The following PRIM2 variants were observed in gnomAD, a reference collection of about 807,000 sequenced individuals.
PRIM2 encodes DNA primase subunit 2, also known as DNA primase large subunit.
A neutral mutation model predicts 67.3 loss-of-function variants in PRIM2; 39 were observed. The ratio of observed to expected loss-of-function variants is 0.58; its 90% CI spans 0.45 to 0.76. PRIM2 has a LOEUF of 0.76. PRIM2 is among the 30% of genes least tolerant of loss of function. The pLI is 0.00. For missense variants in PRIM2, 398 were observed against 598.7 expected (o/e 0.66, Z 3.50); for synonymous variants, 143 against 198.7 (o/e 0.72, Z 2.36).
intron 7 of PRIM2, among the ~76,000 whole-genome samples, chr6:57,427,021 T>A (rs1771655137): frequency 6.6e-6 from 1 of 152,222 alleles, no homozygotes; most frequent in African/African-American, 2.4e-5. Context: ...TGTCCAGCTA[T>A]ATTTTCGGCT....
chr6:57,581,775 C>T (rs1776087760), intron 10 of PRIM2, among the ~76,000 whole-genome samples: 1 of 152,106 alleles, frequency 6.6e-6, no homozygotes, highest in South Asian at 2.1e-4. Context: ...AGCTTTCAGT[C>T]CTCTGGTGGG....
Position 57,318,413 on chromosome 6 carries a change from G to A in PRIM2, c.-9-24G>A, listed in dbSNP as rs749727827. 4.6e-6 allele frequency: 7 copies of A among 1,512,794 alleles called. No individual in the cohort carries two copies. The East Asian group carries it at 7.0e-5, about 15-fold the overall frequency. The allele number at this position is 1,512,794 out of a possible 1,614,324, so 93.7% of individuals were successfully genotyped here. A position where few individuals can be genotyped will look rare whatever the true frequency, so the allele number is the denominator to read the frequency against. ...CCAACTTTGTTTTCCATCATTTTACGCTTTTTGTGTACTTCCTTCTAAGGT... is the reference window on the plus strand; with the variant it reads ...CCAACTTTGTTTTCCATCATTTTACACTTTTTGTGTACTTCCTTCTAAGGT... On this transcript the variant is annotated intron_variant, in intron 1 of 13. Transcript: ENST00000615550.
chr6:57,353,031 T>C (rs1768906779), intron 5 of PRIM2, among the ~76,000 whole-genome samples: 1 of 151,132 alleles, frequency 6.6e-6, no homozygotes, highest in Admixed American at 6.6e-5. Context: ...TTAAAGGTAA[T>C]GAGAAATTAG....
chr6:57,507,618 AC>A (rs1311020608), intron 8 of PRIM2, among the ~76,000 whole-genome samples, 164 bp downstream of exon 8: 1 of 152,062 alleles, frequency 6.6e-6, no homozygotes, highest in Non-Finnish European at 1.5e-5. Context: ...TGTACTTGTT[AC>A]CCTTACTTTA....
chr6:57,496,488 C>G (rs1215657289), intron 7 of PRIM2, among the ~76,000 whole-genome samples: 1 of 152,060 alleles, frequency 6.6e-6, no homozygotes, highest in Admixed American at 6.6e-5. Context: ...GTTGGTAACT[C>G]CAGTGTACAT....
At chr6:57,543,095 T>A (rs1775209162) in intron 10 of PRIM2, among the ~76,000 whole-genome samples, 2 of 148,416 alleles carry the variant, frequency 1.3e-5, no homozygotes, top group Admixed American at 6.7e-5. Context: ...GCCCGCCACC[T>A]CGCCCGGCTA....
chr6:57,449,556 G>A (rs1448830546), intron 7 of PRIM2, among the ~76,000 whole-genome samples: 4 of 152,040 alleles, frequency 2.6e-5, no homozygotes, highest in African/African-American at 4.8e-5. Flanking sequence ...TAATGAATAG[G>A]TATTTTTATT....
intron 7 of PRIM2, among the ~76,000 whole-genome samples, chr6:57,431,639 C>T (rs1274328151): frequency 1.3e-5 from 2 of 151,750 alleles, no homozygotes; most frequent in African/African-American, 2.4e-5. Context: ...AGAGAAAGAC[C>T]CTGCCTTTAA....
At chr6:57,554,818 G>T (rs1775479406) in intron 10 of PRIM2, among the ~76,000 whole-genome samples, 2 of 152,170 alleles carry the variant, frequency 1.3e-5, no homozygotes, top group African/African-American at 4.8e-5. Context: ...TTGTCGTAAA[G>T]ACAGACTTTT....
At chr6:57,334,254 G>A (rs1354678849) in intron 5 of PRIM2, among the ~76,000 whole-genome samples, 1 of 151,400 alleles carries the variant, frequency 6.6e-6, no homozygotes, top group African/African-American at 2.4e-5. Flanking sequence ...TTTTTTTTAT[G>A]ACTCAATATT....
chr6:57,260,636 G>C, the PRIM2 span, among the ~76,000 whole-genome samples: 1 of 152,070 alleles, frequency 6.6e-6, no homozygotes, highest in African/African-American at 2.4e-5. Context: ...AAGTTTACAT[G>C]AACCTGAAAA....
At chr6:57,626,208 T>G (rs1776947252) in intron 12 of PRIM2, among the ~76,000 whole-genome samples, 1 of 152,208 alleles carries the variant, frequency 6.6e-6, no homozygotes, top group Non-Finnish European at 1.5e-5. Context: ...CATCTGAACC[T>G]CGTTGGCAGG....
chr6:57,461,123 A>T (rs1481593762), intron 7 of PRIM2, among the ~76,000 whole-genome samples: 1 of 152,248 alleles, frequency 6.6e-6, no homozygotes, highest in Non-Finnish European at 1.5e-5. Flanking sequence ...GAGAAAGCTC[A>T]TGCAGAGATA....
intron 7 of PRIM2, among the ~76,000 whole-genome samples, chr6:57,408,092 A>G (rs1449417030): frequency 6.6e-6 from 1 of 152,020 alleles, no homozygotes; most frequent in African/African-American, 2.4e-5. Context: ...TTTTTTCCCC[A>G]CTTTGGATAC....
chr6:57,342,128 G>T (rs1768513876), intron 5 of PRIM2, among the ~76,000 whole-genome samples: 1 of 152,092 alleles, frequency 6.6e-6, no homozygotes, highest in Admixed American at 6.5e-5. Context: ...TTACTGACTT[G>T]GGCAGTGCAT....
chr6:57,623,387 G>A (rs1266638527), intron 12 of PRIM2, among the ~76,000 whole-genome samples: 1 of 152,126 alleles, frequency 6.6e-6, no homozygotes, highest in African/African-American at 2.4e-5. Flanking sequence ...AGTAACATAT[G>A]TTATTGTTAG....
intron 7 of PRIM2, among the ~76,000 whole-genome samples, chr6:57,430,079 A>G (rs1771766944): frequency 6.6e-6 from 1 of 152,182 alleles, no homozygotes; most frequent in East Asian, 1.9e-4. Context: ...GGCATTTGGT[A>G]TTAGCAGAGA....
chr6:57,528,416 G>A (rs1322334733), intron 8 of PRIM2, among the ~76,000 whole-genome samples: 5 of 150,818 alleles, frequency 3.3e-5, no homozygotes, highest in Admixed American at 2.7e-4. Flanking sequence ...TAGCCCTTTT[G>A]TATATTCTAG....
chr6:57,639,614 C>A, intron 13 of PRIM2, among the ~76,000 whole-genome samples: 1 of 38,466 alleles, frequency 2.6e-5, no homozygotes, highest in African/African-American at 1.7e-4. Flanking sequence ...TCAGAGAATA[C>A]TGTAAACTAG....
Sources: allele counts gnomAD v4.1 joint callset (sites outside exome capture counted in the v4.1 genomes callset), GRCh38; gene constraint gnomAD v4.1.1; transcripts MANE v1.5; gene names NCBI Gene and HGNC (gene_info 2026-07-23, HGNC 2026-07-21).